FGD3: variants seen among roughly 807,000 people sequenced by gnomAD.
The protein encoded by FGD3 is FYVE, RhoGEF and PH domain containing 3, also known as FYVE, RhoGEF and PH domain-containing protein 3.
In FGD3, 45 loss-of-function variants were observed where a neutral mutation model predicts 71.8. That is an observed-to-expected ratio of 0.63 (90% confidence interval 0.49 to 0.80). The LOEUF is 0.80. Ranked by LOEUF, FGD3 falls within the 30% of genes least tolerant of loss-of-function variation. The pLI, the probability that FGD3 is intolerant of heterozygous loss-of-function variation, is 0.00. For missense variants in FGD3, 844 were observed against 951.5 expected (o/e 0.89, Z 1.49); for synonymous variants, 378 against 392.8 (o/e 0.96, Z 0.44).
intron 15 of FGD3, among the ~76,000 whole-genome samples, chr9:93,030,774 G>A (rs1862324726): frequency 6.6e-6 from 1 of 151,874 alleles, no homozygotes; most frequent in Non-Finnish European, 1.5e-5. Flanking sequence ...GGATGGGTGG[G>A]TGGGTAGAAG....
intron 3 of FGD3, among the ~76,000 whole-genome samples, chr9:92,982,904 G>C (rs1332358248): frequency 6.6e-6 from 1 of 151,916 alleles, no homozygotes; most frequent in Non-Finnish European, 1.5e-5. Flanking sequence ...TGGCCAACAT[G>C]GCCAAACCCT....
chr9:92,959,729 T>C (rs1007014779), intron 1 of FGD3, among the ~76,000 whole-genome samples: 2 of 96,002 alleles, frequency 2.1e-5, no homozygotes, highest in East Asian at 5.8e-4. Flanking sequence ...AAAAAAAAAA[T>C]CAGCCCTAAT....
At position 93,015,822 on chromosome 9, in the gene FGD3, G is replaced by T. The variant is rs764434062; in HGVS notation, c.1268G>T (p.Gly423Val). The T allele has an allele frequency of 1.2e-6, 2 of 1,614,114 alleles. No homozygotes were observed. Among genetic ancestry groups the T allele is most frequent in the South Asian group, 2.2e-5 (2 of 91,082 alleles). ...FSVREKMDIS[G>V]LQVQDIVKPN... ...GTCCGGGAGAAGATGGACATCTCAG[G>T]CCTCCAGGTGGGTGAGCTCCTCCAT... The change falls in exon 10 of 18, where the codon GGC (glycine) becomes GTC (valine). Residue 423 changes from glycine (G) to valine (V), a missense_variant. Physicochemically the swap from Gly to Val is moderately radical, Grantham distance 109. Coordinates refer to ENST00000375482, the MANE Select transcript of FGD3 (RefSeq NM_001083536.2).
intron 3 of FGD3, among the ~76,000 whole-genome samples, chr9:92,989,341 G>A (rs968470748): frequency 6.6e-6 from 1 of 151,940 alleles, no homozygotes; most frequent in Non-Finnish European, 1.5e-5. Flanking sequence ...GATCCACCGC[G>A]CCTGGCCAAC....
intron 10 of FGD3, among the ~76,000 whole-genome samples, chr9:93,016,957 G>C (rs200537495): frequency 6.6e-6 from 1 of 152,182 alleles, no homozygotes; most frequent in Admixed American, 6.5e-5. Flanking sequence ...TAGAAAAGTG[G>C]TTTCTTCTAA....
intron 3 of FGD3, among the ~76,000 whole-genome samples, chr9:92,980,681 T>C (rs1859956033): frequency 6.6e-6 from 1 of 152,130 alleles, no homozygotes; most frequent in African/African-American, 2.4e-5. Context: ...TTTAAGAATG[T>C]GTTGTTTAGG....
At chr9:92,955,641 C>A (rs58264693) in intron 1 of FGD3, among the ~76,000 whole-genome samples, 49,271 of 151,920 alleles carry the variant, frequency 0.32, 8,375 homozygotes, top group Middle Eastern at 0.43. Flanking sequence ...GATATAGGAC[C>A]ATATCATAGC....
chr9:93,035,196 C>A, intron 17 of FGD3, 142 bp from the exon 18 acceptor site: 1 of 1,240,868 alleles, frequency 8.1e-7, no homozygotes, highest in Non-Finnish European at 1.1e-6. Context: ...AGTGCAGGCA[C>A]AGCCACCAGA....
chr9:93,003,285 C>T lies in FGD3; in HGVS notation c.543+271C>T, dbSNP rs1423596773. On this transcript the variant is annotated intron_variant, in intron 4 of 17. Coordinates refer to ENST00000375482, the MANE Select transcript of FGD3 (RefSeq NM_001083536.2). This position sits in a 1 kb window ranked among gnomAD's most constrained non-coding sequence, Gnocchi z 4.1. ...CTGGGACTACAGGCACATGCCACCA[C>T]GCCCAGCTAATTTTTGTATTTATAG... 7.2e-5 allele frequency among the ~76,000 whole-genome samples: 11 copies of T among 152,158 alleles called. No homozygotes were observed. Among genetic ancestry groups the T allele is most frequent in the Non-Finnish European group, 1.3e-4 (9 of 68,032 alleles).
chr9:92,986,458 T>C (rs946627326), intron 3 of FGD3, among the ~76,000 whole-genome samples: 1 of 151,964 alleles, frequency 6.6e-6, no homozygotes, highest in Admixed American at 6.6e-5. Context: ...CAGGAGGAAG[T>C]GGGAGGAGGT....
At chr9:92,954,843 T>C (rs1169045047) in intron 1 of FGD3, among the ~76,000 whole-genome samples, 2 of 152,246 alleles carry the variant, frequency 1.3e-5, no homozygotes, top group African/African-American at 4.8e-5. Context: ...TGCTAGGCTC[T>C]GAGTATCGTG....
At chr9:92,977,332 C>T (rs550321190) in intron 3 of FGD3, among the ~76,000 whole-genome samples, 10 of 152,098 alleles carry the variant, frequency 6.6e-5, no homozygotes, top group East Asian at 1.9e-4. Context: ...TGGCTCGGTG[C>T]TGGGATCTTG....
At chr9:92,984,811 CT>C (rs375226068) in intron 3 of FGD3, among the ~76,000 whole-genome samples, 9,327 of 139,098 alleles carry the variant, frequency 0.067, 352 homozygotes, top group East Asian at 0.17. Context: ...TCTTTTTTTT[CT>C]TTTTTTTTTT....
At chr9:93,034,508 G>C in intron 16 of FGD3, 33 bp from the exon 17 acceptor site, 1 of 1,583,834 alleles carries the variant, frequency 6.3e-7, no homozygotes, top group Non-Finnish European at 8.6e-7. Context: ...CTGCAGGGGA[G>C]ACTGCCCCTA....
chr9:93,001,226 T>A (rs1340983707), intron 3 of FGD3, among the ~76,000 whole-genome samples: 1 of 152,208 alleles, frequency 6.6e-6, no homozygotes, highest in Non-Finnish European at 1.5e-5. Context: ...TGTTCTCTTT[T>A]ATCTCATTGA....
Position 93,018,116 on chromosome 9 carries a change from C to T in FGD3, c.1276-20C>T. 1.9e-6 allele frequency: 3 copies of T among 1,612,608 alleles called. No individual in the cohort carries two copies. Among genetic ancestry groups the T allele is most frequent in the Non-Finnish European group, 2.5e-6 (3 of 1,178,778 alleles). ...ATGACCAGCTTGGGTTTGCTTTGTT[C>T]TTTGTTCTTGCCCCTTCAGGTGCAG... On this transcript the variant is annotated intron_variant, in intron 10 of 17. Coordinates refer to ENST00000375482, the MANE Select transcript of FGD3 (RefSeq NM_001083536.2).
chr9:93,023,609 C>T (rs1564169188), intron 14 of FGD3, among the ~76,000 whole-genome samples: 1 of 152,048 alleles, frequency 6.6e-6, no homozygotes, highest in Non-Finnish European at 1.5e-5. Flanking sequence ...CTTGTCTCTT[C>T]TTGTGTCTGG....
intron 6 of FGD3, among the ~76,000 whole-genome samples, chr9:93,009,003 G>T (rs1295510852): frequency 6.6e-6 from 1 of 150,878 alleles, no homozygotes; most frequent in Non-Finnish European, 1.5e-5. Context: ...GATGGCTCAC[G>T]CTTGTAATCC....
chr9:92,959,550 A>C (rs1378235864), intron 1 of FGD3, among the ~76,000 whole-genome samples: 1 of 151,794 alleles, frequency 6.6e-6, no homozygotes, highest in East Asian at 1.9e-4. Context: ...TCTGCAAATA[A>C]TAAAAACTTA....
Sources: gnomAD v4.1 joint callset for allele counts (sites outside exome capture counted in the v4.1 genomes callset) on GRCh38, gnomAD v4.1.1 for gene constraint, Gnocchi (gnomAD v3.1) non-coding constraint, MANE v1.5 for transcripts, NCBI Gene and HGNC (gene_info 2026-07-23, HGNC 2026-07-21) for gene names.